NRG3: variants seen among roughly 807,000 people sequenced by gnomAD.
The protein encoded by NRG3 is neuregulin 3, also known as pro-neuregulin-3, membrane-bound isoform.
Under a neutral mutation model 66.9 loss-of-function variants are expected in NRG3, and 31 were observed. That is an observed-to-expected ratio of 0.46 (90% confidence interval 0.35 to 0.63). NRG3 has a LOEUF of 0.63. NRG3 is among the 20% of genes least tolerant of loss of function. NRG3 has a pLI of 0.00. For missense variants in NRG3, 910 were observed against 878.9 expected (o/e 1.04, Z -0.45); for synonymous variants, 393 against 359.4 (o/e 1.09, Z -1.06).
chr10:82,883,838 G>A (rs750992174), intron 4 of NRG3, among the ~76,000 whole-genome samples: 3 of 152,008 alleles, frequency 2.0e-5, no homozygotes, highest in Admixed American at 6.5e-5. Context: ...TAGCTCATAT[G>A]CAGTAAATGA....
intron 2 of NRG3, among the ~76,000 whole-genome samples, chr10:82,431,533 A>C (rs1390649696): frequency 6.6e-6 from 1 of 152,160 alleles, no homozygotes; most frequent in Non-Finnish European, 1.5e-5. Flanking sequence ...AGATTTTGAC[A>C]ATTATTTGTC....
chr10:82,984,943 A>C (rs1853304357), intron 8 of NRG3, 155 bp from the exon 9 acceptor site: 1 of 1,245,804 alleles, frequency 8.0e-7, no homozygotes, highest in Non-Finnish European at 1.2e-6. Flanking sequence ...GCTTCAGTTT[A>C]CTTCTCTGTT....
chr10:82,341,373 T>C (rs2082680165), intron 1 of NRG3, among the ~76,000 whole-genome samples: 1 of 152,100 alleles, frequency 6.6e-6, no homozygotes, highest in South Asian at 2.1e-4. Context: ...GACTTTTCCT[T>C]GCCTTTCTAT....
chr10:82,672,753 GGTTT>G (rs1360990000), intron 2 of NRG3, among the ~76,000 whole-genome samples: 78 of 152,224 alleles, frequency 5.1e-4, no homozygotes, highest in Non-Finnish European at 7.8e-4. Flanking sequence ...TTTGTTCGTT[GGTTT>G]GTTTGTTTTT....
At chr10:82,499,249 T>A (rs1590360543) in intron 2 of NRG3, among the ~76,000 whole-genome samples, 2 of 152,266 alleles carry the variant, frequency 1.3e-5, no homozygotes, top group East Asian at 3.9e-4. Flanking sequence ...TTTGCTTTTG[T>A]TTTTTCAAAC....
intron 1 of NRG3, among the ~76,000 whole-genome samples, chr10:82,014,419 C>G (rs1255097236): frequency 1.3e-5 from 2 of 152,302 alleles, no homozygotes; most frequent in South Asian, 2.1e-4. Flanking sequence ...TTAACCATCT[C>G]TGTTCTCTTT....
In NRG3 at chr10:81,875,990, G is replaced by A. The variant is rs748169278; in HGVS notation, c.650G>A (p.Ser217Asn). 3.1e-6 allele frequency: 5 copies of A among 1,613,920 alleles called. No homozygotes were observed. The highest frequency in any genetic ancestry group is 4.2e-6 in the Non-Finnish European group (5 of 1,180,026). The change falls in exon 1 of 9, where the codon AGT becomes AAT. Residue 217 changes from serine to asparagine, a missense_variant. By Grantham distance (46) the Ser-to-Asn change is conservative. Coordinates refer to ENST00000372141, the MANE Select transcript of NRG3 (RefSeq NM_001010848.4). This position sits in a 1 kb window ranked among gnomAD's most constrained non-coding sequence, Gnocchi z 5.3. Reference protein sequence around the residue: ...GSRPPVPGTPSTQAMPSWPTA... With the variant: ...GSRPPVPGTPNTQAMPSWPTA... ...CGACCCCCGGTGCCAGGAACTCCAA[G>A]TACCCAGGCAATGCCCTCCTGGCCT...
At chr10:82,098,447 G>A (rs1273863883) in intron 1 of NRG3, among the ~76,000 whole-genome samples, 1 of 152,126 alleles carries the variant, frequency 6.6e-6, no homozygotes, top group Non-Finnish European at 1.5e-5. Flanking sequence ...CAGCATCTTA[G>A]TGCTGCTCCT....
chr10:81,893,668 T>C (rs1475249929), intron 1 of NRG3, among the ~76,000 whole-genome samples: 2 of 152,206 alleles, frequency 1.3e-5, no homozygotes, highest in Non-Finnish European at 2.9e-5. Context: ...AGTATCTTCT[T>C]GGTTTTTATC....
chr10:81,911,603 G>GTTT (rs796518872), intron 1 of NRG3, among the ~76,000 whole-genome samples: 2,955 of 77,948 alleles, frequency 0.038, 337 homozygotes, highest in East Asian at 0.067. Context: ...GCACAGACTT[G>GTTT]TTTTTTTTTT....
chr10:82,703,268 T>A (rs918094684), intron 2 of NRG3, among the ~76,000 whole-genome samples: 10 of 152,180 alleles, frequency 6.6e-5, no homozygotes, highest in Non-Finnish European at 1.3e-4. Flanking sequence ...ACATGGTGTT[T>A]TATATTCCTC....
At chr10:82,626,420 T>TGA (rs984398910) in intron 2 of NRG3, among the ~76,000 whole-genome samples, 4 of 152,148 alleles carry the variant, frequency 2.6e-5, no homozygotes, top group African/African-American at 9.7e-5. Context: ...ATACTGACCA[T>TGA]GAAGAGTGTT....
intron 4 of NRG3, among the ~76,000 whole-genome samples, chr10:82,885,847 C>T (rs1476959917): frequency 1.3e-5 from 2 of 152,012 alleles, no homozygotes; most frequent in Admixed American, 1.3e-4. Context: ...CAGGCGTGAG[C>T]CACCGCGCCT....
intron 4 of NRG3, among the ~76,000 whole-genome samples, chr10:82,898,858 A>T (rs1843931486): frequency 6.7e-6 from 1 of 149,628 alleles, no homozygotes; most frequent in Non-Finnish European, 1.5e-5. Flanking sequence ...AGTAGTTGGG[A>T]CTGCAGGCAC....
chr10:82,901,844 C>T (rs556086628), intron 4 of NRG3, among the ~76,000 whole-genome samples: 6 of 152,296 alleles, frequency 3.9e-5, no homozygotes, highest in Admixed American at 2.6e-4. Flanking sequence ...TGGAAGACTT[C>T]AGATTTCACA....
intron 1 of NRG3, among the ~76,000 whole-genome samples, chr10:82,040,346 CACAA>C (rs1475491944): frequency 6.6e-6 from 1 of 151,896 alleles, no homozygotes; most frequent in Non-Finnish European, 1.5e-5. Context: ...CACATGCACA[CACAA>C]ACACAGACAT....
At chr10:82,314,486 G>T (rs2081191678) in intron 1 of NRG3, among the ~76,000 whole-genome samples, 1 of 151,984 alleles carries the variant, frequency 6.6e-6, no homozygotes, top group Admixed American at 6.6e-5. Context: ...TGACCCATTT[G>T]TTTCCAGCAT....
chr10:82,089,060 C>A (rs1289406789), intron 1 of NRG3, among the ~76,000 whole-genome samples: 1 of 151,520 alleles, frequency 6.6e-6, no homozygotes, highest in African/African-American at 2.4e-5. Flanking sequence ...TTATATGATT[C>A]AGGTTTGGGA....
At chr10:82,506,055 G>T (rs1590387997) in intron 2 of NRG3, among the ~76,000 whole-genome samples, 1 of 152,092 alleles carries the variant, frequency 6.6e-6, no homozygotes, top group East Asian at 1.9e-4. Flanking sequence ...AGACCATCCT[G>T]GCTAACACGG....
Sources: allele counts gnomAD v4.1 joint callset (sites outside exome capture counted in the v4.1 genomes callset), GRCh38; gene constraint gnomAD v4.1.1; non-coding constraint Gnocchi (gnomAD v3.1); transcripts MANE v1.5; gene names NCBI Gene and HGNC (gene_info 2026-07-23, HGNC 2026-07-21).